ERBB4: variants seen among roughly 807,000 people sequenced by gnomAD.
ERBB4 encodes the protein receptor tyrosine-protein kinase erbB-4.
A neutral mutation model predicts 158.0 loss-of-function variants in ERBB4; 42 were observed. That is an observed-to-expected ratio of 0.27 (90% CI 0.21 to 0.34). The LOEUF is 0.34. Among genes scored for constraint, ERBB4 ranks in the 10% least tolerant of loss-of-function variants. ERBB4 has a pLI of 1.00. For synonymous variants in ERBB4, 583 were observed against 558.7 expected, an observed-to-expected ratio of 1.04 and a Z score of -0.61; for missense variants, 1,333 against 1,624.1, an observed-to-expected ratio of 0.82 and a Z score of 3.08.
At chr2:211,904,533 A>G (rs1255394384) in intron 3 of ERBB4, among the ~76,000 whole-genome samples, 1 of 152,140 alleles carries the variant, frequency 6.6e-6, no homozygotes, top group Admixed American at 6.6e-5. Context: ...TCTCAAAGCC[A>G]TATTACTAGG....
intron 2 of ERBB4, among the ~76,000 whole-genome samples, chr2:211,963,327 A>G (rs1258098413): frequency 6.6e-6 from 1 of 152,104 alleles, no homozygotes; most frequent in East Asian, 1.9e-4. Flanking sequence ...AAGAATAATC[A>G]AGTCCAAAAT....
At position 211,950,941 on chromosome 2, in the gene ERBB4, G is replaced by A. The variant is rs553409021; in HGVS notation, c.235-3325C>T. 1.5e-4 allele frequency among the ~76,000 whole-genome samples: 23 copies of A among 152,212 alleles called. No individual in the cohort carries two copies. In the East Asian group the frequency reaches 3.1e-3, roughly 20 times the overall value. On this transcript the variant is annotated intron_variant, in intron 2 of 27. Coordinates refer to ENST00000342788, the MANE Select transcript of ERBB4 (RefSeq NM_005235.3). ...TTTGAATGCCCTTATCTACCTCTTTGAGCTCTTAAAGAGAGATTATACATA... is the reference window on the plus strand; with the variant it reads ...TTTGAATGCCCTTATCTACCTCTTTAAGCTCTTAAAGAGAGATTATACATA...
At chr2:212,435,513 C>T (rs1450119472) in intron 1 of ERBB4, among the ~76,000 whole-genome samples, 1 of 151,850 alleles carries the variant, frequency 6.6e-6, no homozygotes, top group African/African-American at 2.4e-5. Flanking sequence ...TCAAAAGACT[C>T]CTGTTTATAA....
At chr2:212,426,144 T>C (rs529210169) in intron 1 of ERBB4, 3 of 367,408 alleles carry the variant, frequency 8.2e-6, no homozygotes, top group Non-Finnish European at 1.1e-5. Context: ...TACTTGTCAT[T>C]GTTCTCTACT....
At chr2:211,702,412 G>A (rs1211807309) in intron 11 of ERBB4, among the ~76,000 whole-genome samples, 1 of 151,958 alleles carries the variant, frequency 6.6e-6, no homozygotes, top group East Asian at 1.9e-4. Flanking sequence ...TTCTGTGTAT[G>A]TATTTACCAC....
intron 1 of ERBB4, among the ~76,000 whole-genome samples, chr2:212,417,136 T>C (rs1385906437): frequency 1.3e-5 from 2 of 152,040 alleles, no homozygotes; most frequent in Non-Finnish European, 2.9e-5. Flanking sequence ...ATACTATCAG[T>C]CCAATTTGAA....
intron 1 of ERBB4, among the ~76,000 whole-genome samples, chr2:212,479,974 A>T (rs1237513826): frequency 1.3e-5 from 2 of 150,270 alleles, no homozygotes; most frequent in Non-Finnish European, 2.9e-5. Flanking sequence ...TGTTATGTTG[A>T]CAAACAAAAA....
At chr2:211,977,083 T>C (rs1417548214) in intron 2 of ERBB4, among the ~76,000 whole-genome samples, 1 of 152,170 alleles carries the variant, frequency 6.6e-6, no homozygotes, top group Non-Finnish European at 1.5e-5. Context: ...GGTATATTCC[T>C]TACAAAACCC....
intron 3 of ERBB4, among the ~76,000 whole-genome samples, chr2:211,860,738 T>G (rs1449560174): frequency 6.6e-6 from 1 of 151,218 alleles, no homozygotes; most frequent in Non-Finnish European, 1.5e-5. Flanking sequence ...ACTTATGCAA[T>G]GTTTTATTTA....
intron 16 of ERBB4, among the ~76,000 whole-genome samples, chr2:211,641,196 T>C (rs2070571242): frequency 6.6e-6 from 1 of 152,144 alleles, no homozygotes. Context: ...ACTTTATTTA[T>C]TCTCTAGGAA....
chr2:212,185,574 T>A (rs546803838), intron 1 of ERBB4, among the ~76,000 whole-genome samples: 39 of 152,188 alleles, frequency 2.6e-4, no homozygotes, highest in African/African-American at 8.4e-4. Flanking sequence ...GTAGTGGTCA[T>A]GGTCACTGCG....
chr2:212,321,833 T>A (rs942221561), intron 1 of ERBB4, among the ~76,000 whole-genome samples: 3 of 150,650 alleles, frequency 2.0e-5, no homozygotes, highest in South Asian at 2.1e-4. Flanking sequence ...GATGTCTCGG[T>A]ATCATTCATG....
At chr2:211,528,816 G>A (rs1317007298) in intron 20 of ERBB4, among the ~76,000 whole-genome samples, 4 of 151,704 alleles carry the variant, frequency 2.6e-5, no homozygotes, top group African/African-American at 9.7e-5. Context: ...AAATGATAAT[G>A]GGAGAACAAC....
intron 2 of ERBB4, among the ~76,000 whole-genome samples, chr2:212,026,058 A>G (rs2076765561): frequency 6.6e-6 from 1 of 151,686 alleles, no homozygotes; most frequent in African/African-American, 2.4e-5. Context: ...TTGAAACTAT[A>G]TATCTCTATG....
At chr2:211,630,671 T>G (rs1415935277) in intron 16 of ERBB4, 77 bp from the exon 17 acceptor site, 1 of 1,245,100 alleles carries the variant, frequency 8.0e-7, no homozygotes, top group East Asian at 2.3e-5. Flanking sequence ...AGAGCAGTTG[T>G]ACAAGACATT....
chr2:211,916,912 C>T (rs2079709433), intron 3 of ERBB4, among the ~76,000 whole-genome samples: 1 of 151,956 alleles, frequency 6.6e-6, no homozygotes, highest in Non-Finnish European at 1.5e-5. Flanking sequence ...AAAATGTAGA[C>T]TGCTAAGAGG....
chr2:212,469,791 C>CT (rs1405147287), intron 1 of ERBB4, among the ~76,000 whole-genome samples: 2 of 151,974 alleles, frequency 1.3e-5, no homozygotes, highest in Non-Finnish European at 2.9e-5. Flanking sequence ...CATACTTAAT[C>CT]TTTTTTTCCA....
At chr2:211,439,459 A>AT (rs1309278092) in intron 20 of ERBB4, among the ~76,000 whole-genome samples, 9 of 152,150 alleles carry the variant, frequency 5.9e-5, no homozygotes, top group Admixed American at 3.9e-4. Flanking sequence ...TAGAGCACCC[A>AT]TTTTCAAGAT....
At chr2:212,148,137 A>G (rs966260140) in intron 1 of ERBB4, among the ~76,000 whole-genome samples, 1 of 151,898 alleles carries the variant, frequency 6.6e-6, no homozygotes, top group Non-Finnish European at 1.5e-5. Context: ...ATTCCCAAAG[A>G]GTATTTTCTT....
Sources: gnomAD v4.1 joint callset for allele counts (sites outside exome capture counted in the v4.1 genomes callset) on GRCh38, gnomAD v4.1.1 for gene constraint, MANE v1.5 for transcripts, NCBI Gene and HGNC (gene_info 2026-07-23, HGNC 2026-07-21) for gene names.